FA2H: variants seen among roughly 807,000 people sequenced by gnomAD.
The protein encoded by FA2H is fatty acid alpha-hydroxylase.
In FA2H, 22 loss-of-function variants were observed where a neutral mutation model predicts 44.9. That is an observed-to-expected ratio of 0.49 (90% CI 0.35 to 0.70). FA2H has a LOEUF of 0.70. FA2H is among the 30% of genes least tolerant of loss of function. The probability of loss-of-function intolerance (pLI) is 0.01; values close to 1 mark genes in which losing one functional copy is unlikely to be tolerated. For missense variants in FA2H, 501 were observed against 504.9 expected (o/e 0.99, Z 0.07); for synonymous variants, 243 against 213.2 (o/e 1.14, Z -1.22).
At chr16:74,733,312 G>A (rs958260419) in intron 2 of FA2H, among the ~76,000 whole-genome samples, 1 of 152,208 alleles carries the variant, frequency 6.6e-6, no homozygotes, top group Non-Finnish European at 1.5e-5. Flanking sequence ...AGCCCCGTGA[G>A]CCTTCCAGAT....
intron 2 of FA2H, among the ~76,000 whole-genome samples, chr16:74,732,013 T>C (rs1056926326): frequency 1.3e-5 from 2 of 152,182 alleles, no homozygotes; most frequent in African/African-American, 4.8e-5. Flanking sequence ...GCTGGGACTA[T>C]AGGCTCACGC....
intron 4 of FA2H, among the ~76,000 whole-genome samples, chr16:74,724,322 C>T (rs942707154): frequency 1.3e-5 from 2 of 152,220 alleles, no homozygotes; most frequent in African/African-American, 4.8e-5. Context: ...CTCCCCTCCT[C>T]TCAGGGATGC....
chr16:74,772,123 C>T lies in FA2H; in HGVS notation c.270+2363G>A, dbSNP rs376837208. ...GCCTACGAAGCCCCGTGTGATGTGG[C>T]CCCGGCCGACTTTTGGCCTCCCCCC... is the stretch of plus-strand genomic sequence containing the variant. On this transcript the variant is annotated intron_variant, in intron 1 of 6. Coordinates refer to ENST00000219368, the MANE Select transcript of FA2H (RefSeq NM_024306.5). Among the ~76,000 whole-genome samples, 4 of 152,264 alleles carry T rather than the reference C, an allele frequency of 2.6e-5. No homozygotes were observed. The South Asian group carries it at 8.3e-4, about 32-fold the overall frequency.
At chr16:74,741,692 C>G (rs1377434506) in intron 1 of FA2H, among the ~76,000 whole-genome samples, 1 of 150,254 alleles carries the variant, frequency 6.7e-6, no homozygotes, top group East Asian at 2.0e-4. Context: ...AACTCCTGAC[C>G]TCAGGTGATC....
chr16:74,754,467 C>G (rs1204450050), intron 1 of FA2H, among the ~76,000 whole-genome samples: 3 of 152,130 alleles, frequency 2.0e-5, no homozygotes, highest in Non-Finnish European at 4.4e-5. Context: ...TCCAATTCCC[C>G]CTGCCAACTC....
At chr16:74,724,861 T>C (rs890225462) in intron 4 of FA2H, among the ~76,000 whole-genome samples, 2 of 151,996 alleles carry the variant, frequency 1.3e-5, no homozygotes, top group Non-Finnish European at 1.5e-5. Flanking sequence ...GCATCACCCC[T>C]GTCTGCCCAT....
chr16:74,756,041 C>T (rs570542006), intron 1 of FA2H, among the ~76,000 whole-genome samples: 64 of 152,158 alleles, frequency 4.2e-4, no homozygotes, highest in African/African-American at 1.4e-3. Flanking sequence ...GGAGGAGATG[C>T]GGAATACATG....
chr16:74,739,237 T>A (rs1962243773), intron 2 of FA2H, among the ~76,000 whole-genome samples: 1 of 152,192 alleles, frequency 6.6e-6, no homozygotes. Flanking sequence ...TTTCTGTGTC[T>A]TTGAGGCCCA....
intron 2 of FA2H, among the ~76,000 whole-genome samples, chr16:74,735,850 G>A (rs1023207066): frequency 1.3e-5 from 2 of 152,172 alleles, no homozygotes; most frequent in African/African-American, 4.8e-5. Flanking sequence ...AGGCATGGTG[G>A]TATGCACCTG....
intron 1 of FA2H, among the ~76,000 whole-genome samples, chr16:74,752,849 T>G (rs1034446312): frequency 6.6e-6 from 1 of 152,016 alleles, no homozygotes; most frequent in African/African-American, 2.4e-5. Context: ...CCTGTCCAGG[T>G]GAAGATGGAG....
chr16:74,767,822 A>G (rs1343937259), intron 1 of FA2H, among the ~76,000 whole-genome samples: 1 of 152,268 alleles, frequency 6.6e-6, no homozygotes, highest in Non-Finnish European at 1.5e-5. Flanking sequence ...GAAGCAATCA[A>G]AAATGAATTC....
chr16:74,765,571 T>G (rs1962794469), intron 1 of FA2H, among the ~76,000 whole-genome samples: 1 of 152,198 alleles, frequency 6.6e-6, no homozygotes, highest in African/African-American at 2.4e-5. Flanking sequence ...ATTTATTCAT[T>G]CATTCATTTT....
At chr16:74,742,433 A>G (rs1246136304) in intron 1 of FA2H, among the ~76,000 whole-genome samples, 1 of 152,190 alleles carries the variant, frequency 6.6e-6, no homozygotes, top group African/African-American at 2.4e-5. Flanking sequence ...AACAACCTAG[A>G]TCATAGATTC....
chr16:74,746,788 A>G (rs1049412701), intron 1 of FA2H, among the ~76,000 whole-genome samples: 1 of 152,028 alleles, frequency 6.6e-6, no homozygotes, highest in Non-Finnish European at 1.5e-5. Context: ...GGGAATTCCA[A>G]TGGGGAGCCT....
chr16:74,736,849 T>C (rs1472180171), intron 2 of FA2H, among the ~76,000 whole-genome samples: 3 of 152,040 alleles, frequency 2.0e-5, no homozygotes, highest in Non-Finnish European at 4.4e-5. Context: ...TCCAGGACCT[T>C]GTGGAGGGGA....
At chr16:74,721,980 A>T (rs540808466) in intron 4 of FA2H, among the ~76,000 whole-genome samples, 15 of 152,026 alleles carry the variant, frequency 9.9e-5, no homozygotes, top group Non-Finnish European at 1.6e-4. Context: ...ATTACTTCCT[A>T]TTTCATCTCA....
chr16:74,713,969 C>A lies in FA2H; in HGVS notation c.*221G>T. On this transcript the variant is annotated 3_prime_UTR_variant, in exon 7 of 7. Transcript: ENST00000219368. The stretch of plus-strand genomic sequence containing the variant: ...GGACGCTCCAGGAAGAAGTGGGTCA[C>A]CAAGGGCCACCTGGCCACCAAGTGG... 1.8e-6 allele frequency: 1 copy of A among 569,246 alleles called. No homozygotes were observed. Among genetic ancestry groups the A allele is most frequent in the Non-Finnish European group, 3.2e-6 (1 of 317,430 alleles). The allele number at this position is 569,246 out of a possible 1,614,324, so 35.3% of individuals were successfully genotyped here. A position where few individuals can be genotyped will look rare whatever the true frequency, so the allele number is the denominator to read the frequency against.
intron 2 of FA2H, among the ~76,000 whole-genome samples, chr16:74,738,953 G>A (rs2240256): frequency 0.063 from 9,542 of 152,346 alleles, 312 homozygotes; most frequent in Non-Finnish European, 0.072. Context: ...GTTGGATCCT[G>A]AGGCGTCTGT....
intron 1 of FA2H, among the ~76,000 whole-genome samples, chr16:74,771,138 T>C (rs1374000467): frequency 2.0e-5 from 3 of 152,210 alleles, no homozygotes; most frequent in Non-Finnish European, 2.9e-5. Flanking sequence ...ACCGCAAACC[T>C]GTCAGTCTCA....
Sources: gnomAD v4.1 joint callset for allele counts (sites outside exome capture counted in the v4.1 genomes callset) on GRCh38, gnomAD v4.1.1 for gene constraint, MANE v1.5 for transcripts, NCBI Gene and HGNC (gene_info 2026-07-23, HGNC 2026-07-21) for gene names.